Variants in TGFBR3 observed in about 807,000 individuals in gnomAD.
The protein encoded by TGFBR3 is transforming growth factor beta receptor 3, also known as transforming growth factor beta receptor type 3.
TGFBR3 carries 46 observed loss-of-function variants against 87.9 expected under a neutral mutation model. That is an observed-to-expected ratio of 0.52 (90% CI 0.41 to 0.67). TGFBR3 has a LOEUF of 0.67. TGFBR3 is among the 30% of genes least tolerant of loss of function. TGFBR3 has a pLI of 0.00. For synonymous variants in TGFBR3, 381 were observed against 391.6 expected, an observed-to-expected ratio of 0.97 and a Z score of 0.32; for missense variants, 866 against 1,041.9, an observed-to-expected ratio of 0.83 and a Z score of 2.32.
At chr1:91,799,009 C>T (rs1464600739) in intron 2 of TGFBR3, among the ~76,000 whole-genome samples, 1 of 152,234 alleles carries the variant, frequency 6.6e-6, no homozygotes, top group African/African-American at 2.4e-5. Context: ...TCCATTCAAT[C>T]ACCCAGGAAA....
At position 91,885,276 on chromosome 1, in the gene TGFBR3, G is replaced by A. The variant is rs1478346588; in HGVS notation, c.-114+602C>T. Reference sequence around the variant, plus strand: ...TGCCCTAATAAGATCAAGTCTGCAAGCAGATTCTTCTAGCGACAGTCCAAG... The same window carrying A: ...TGCCCTAATAAGATCAAGTCTGCAAACAGATTCTTCTAGCGACAGTCCAAG... On this transcript the variant is annotated intron_variant, in intron 1 of 16. Transcript: ENST00000212355. 2.7e-5 allele frequency among the ~76,000 whole-genome samples: 4 copies of A among 150,292 alleles called. No individual in the cohort carries two copies. In the East Asian group the frequency reaches 7.9e-4, roughly 30 times the overall value.
intron 1 of TGFBR3, among the ~76,000 whole-genome samples, chr1:91,877,809 A>C (rs1456600005): frequency 6.6e-6 from 1 of 152,212 alleles, no homozygotes; most frequent in East Asian, 1.9e-4. Flanking sequence ...GGCTGTTGGC[A>C]TAAGTATTTT....
At chr1:91,726,964 T>C (rs1417477708) in intron 7 of TGFBR3, among the ~76,000 whole-genome samples, 1 of 152,246 alleles carries the variant, frequency 6.6e-6, no homozygotes, top group Non-Finnish European at 1.5e-5. Flanking sequence ...AGTTTCAACA[T>C]TCAACTTTTG....
At chr1:91,830,416 G>A (rs1198144706) in intron 2 of TGFBR3, among the ~76,000 whole-genome samples, 1 of 152,164 alleles carries the variant, frequency 6.6e-6, no homozygotes, top group Non-Finnish European at 1.5e-5. Flanking sequence ...TCTGTCCACG[G>A]TATGGATGCC....
chr1:91,848,257 G>A (rs1464916479), intron 2 of TGFBR3, among the ~76,000 whole-genome samples: 2 of 152,202 alleles, frequency 1.3e-5, no homozygotes, highest in Non-Finnish European at 2.9e-5. Flanking sequence ...GACCTATGCT[G>A]TCAAATGTGG....
intron 2 of TGFBR3, among the ~76,000 whole-genome samples, chr1:91,823,069 G>A (rs567770478): frequency 6.6e-6 from 1 of 152,200 alleles, no homozygotes; most frequent in South Asian, 2.1e-4. Context: ...CTTCTTCAAG[G>A]AGCTCACAGT....
At chr1:91,809,032 C>T (rs1486303633) in intron 2 of TGFBR3, among the ~76,000 whole-genome samples, 4 of 152,146 alleles carry the variant, frequency 2.6e-5, no homozygotes, top group African/African-American at 9.7e-5. Flanking sequence ...TATTAAAATG[C>T]AAATGCTTTA....
chr1:91,687,350 A>T (rs1209601542), intron 16 of TGFBR3, among the ~76,000 whole-genome samples: 1 of 152,188 alleles, frequency 6.6e-6, no homozygotes, highest in Admixed American at 6.5e-5. Flanking sequence ...AAGAAGAAAA[A>T]AAGAAGCAAA....
At chr1:91,901,932 C>T (rs2101351375) in intron 1 of TGFBR3, among the ~76,000 whole-genome samples, 1 of 134,906 alleles carries the variant, frequency 7.4e-6, no homozygotes, top group African/African-American at 2.6e-5. Context: ...CCTCCCCCAC[C>T]CCACCAAAAG....
chr1:91,806,554 C>G (rs981686317), intron 2 of TGFBR3, among the ~76,000 whole-genome samples: 1 of 152,008 alleles, frequency 6.6e-6, no homozygotes, highest in Non-Finnish European at 1.5e-5. Flanking sequence ...ATTCTAAATA[C>G]CAATGCATAC....
intron 2 of TGFBR3, among the ~76,000 whole-genome samples, chr1:91,829,399 A>C (rs570224103): frequency 5.7e-4 from 86 of 150,844 alleles, no homozygotes; most frequent in East Asian, 2.5e-3. Flanking sequence ...AACAAACAAA[A>C]AAAAAAAAAC....
At chr1:91,825,007 C>T (rs1199099468) in intron 2 of TGFBR3, among the ~76,000 whole-genome samples, 1 of 152,090 alleles carries the variant, frequency 6.6e-6, no homozygotes, top group African/African-American at 2.4e-5. Context: ...AAGAGTTTGG[C>T]AGTTCTTCAA....
chr1:91,750,753 C>G (rs1487287663), intron 4 of TGFBR3, among the ~76,000 whole-genome samples: 1 of 152,194 alleles, frequency 6.6e-6, no homozygotes, highest in Non-Finnish European at 1.5e-5. Flanking sequence ...CCCTGGAATA[C>G]AGGGGTAATG....
At chr1:91,822,670 T>G (rs1676493168) in intron 2 of TGFBR3, among the ~76,000 whole-genome samples, 1 of 152,196 alleles carries the variant, frequency 6.6e-6, no homozygotes, top group Admixed American at 6.5e-5. Context: ...TACACGCCTG[T>G]AATCCTAGCA....
chr1:91,761,357 G>C (rs1353445853), intron 3 of TGFBR3, among the ~76,000 whole-genome samples: 1 of 152,196 alleles, frequency 6.6e-6, no homozygotes, highest in Non-Finnish European at 1.5e-5. Context: ...ACAGCTCTCT[G>C]AGCTTTCCTG....
At chr1:91,858,125 A>C (rs1245724149) in intron 2 of TGFBR3, among the ~76,000 whole-genome samples, 5 of 152,156 alleles carry the variant, frequency 3.3e-5, no homozygotes, top group African/African-American at 1.2e-4. Flanking sequence ...TATATTTCTT[A>C]GAGTATTTAT....
intron 2 of TGFBR3, among the ~76,000 whole-genome samples, chr1:91,805,145 A>G (rs139213050): frequency 3.3e-5 from 5 of 152,326 alleles, no homozygotes; most frequent in Non-Finnish European, 7.3e-5. Context: ...TGTATTTCAG[A>G]AAAGTGCTTC....
intron 4 of TGFBR3, among the ~76,000 whole-genome samples, chr1:91,748,392 G>C (rs1438360641): frequency 6.6e-6 from 1 of 152,200 alleles, no homozygotes; most frequent in East Asian, 1.9e-4. Context: ...AGCTGATCCA[G>C]AAACGCTCCA....
At chr1:91,777,559 C>G (rs1338735814) in intron 3 of TGFBR3, among the ~76,000 whole-genome samples, 3 of 152,064 alleles carry the variant, frequency 2.0e-5, no homozygotes, top group Non-Finnish European at 4.4e-5. Context: ...ATTATTCCAG[C>G]AATGCCTTCC....
Sources: allele counts gnomAD v4.1 joint callset (sites outside exome capture counted in the v4.1 genomes callset), GRCh38; gene constraint gnomAD v4.1.1; transcripts MANE v1.5; gene names NCBI Gene and HGNC (gene_info 2026-07-23, HGNC 2026-07-21).